Variants in RAI14 observed in about 807,000 individuals in gnomAD.
RAI14 encodes retinoic acid induced 14.
RAI14 carries 45 observed loss-of-function variants against 115.4 expected under a neutral mutation model. That is an observed-to-expected ratio of 0.39 (90% CI 0.31 to 0.50). The LOEUF (loss-of-function observed/expected upper bound fraction) is 0.50, where lower values mean the gene tolerates loss of function less well. Among genes scored for constraint, RAI14 ranks in the 20% least tolerant of loss-of-function variants. RAI14 has a pLI of 0.85. For synonymous variants in RAI14, 371 were observed against 415.4 expected (o/e 0.89, Z 1.30); for missense variants, 939 against 1,131.2 (o/e 0.83, Z 2.44).
At chr5:34,714,522 CAT>C (rs1741779084) in intron 2 of RAI14, among the ~76,000 whole-genome samples, 1 of 152,096 alleles carries the variant, frequency 6.6e-6, no homozygotes, top group East Asian at 1.9e-4. Flanking sequence ...GAGTCAATGT[CAT>C]ATGATCTTGA....
At position 34,811,053 on chromosome 5, in the gene RAI14, C is replaced by T; in HGVS notation, c.492C>T (p.His164=). ...TGCTTCTTGCTGTACAAAATGGTCACAGTGAGATCTGTCACTTTCTCCTGG... is the reference window on the plus strand; with the variant it reads ...TGCTTCTTGCTGTACAAAATGGTCATAGTGAGATCTGTCACTTTCTCCTGG... ...IPLLLAVQNG[H]SEICHFLLDH... The change falls in exon 8 of 18, where the codon CAC becomes CAT. Residue 164 remains histidine, a synonymous_variant. Coordinates refer to ENST00000265109, the MANE Select transcript of RAI14 (RefSeq NM_015577.3). 3 of 1,614,094 alleles carry T rather than the reference C, an allele frequency of 1.9e-6. No individual in the cohort carries two copies. Among genetic ancestry groups the T allele is most frequent in the Non-Finnish European group, 2.5e-6 (3 of 1,180,022 alleles).
At chr5:34,675,853 C>G (rs563894445) in intron 1 of RAI14, among the ~76,000 whole-genome samples, 163 of 152,254 alleles carry the variant, frequency 1.1e-3, no homozygotes, top group Non-Finnish European at 1.9e-3. Flanking sequence ...CCATGCTTCA[C>G]CATGGATCAG....
At chr5:34,805,299 CTT>C (rs1754730732) in intron 5 of RAI14, among the ~76,000 whole-genome samples, 1 of 152,146 alleles carries the variant, frequency 6.6e-6, no homozygotes, top group South Asian at 2.1e-4. Context: ...TCCTGTTCCT[CTT>C]TGCACTCTAG....
chr5:34,704,483 T>C (rs1740442970), intron 2 of RAI14, among the ~76,000 whole-genome samples: 1 of 152,234 alleles, frequency 6.6e-6, no homozygotes, highest in African/African-American at 2.4e-5. Context: ...CCTCAAATTC[T>C]GTATACCCTA....
chr5:34,742,406 C>T (rs2150049817), intron 2 of RAI14, among the ~76,000 whole-genome samples: 1 of 152,300 alleles, frequency 6.6e-6, no homozygotes. Flanking sequence ...TTTTGGCCGA[C>T]AGTAGAATCG....
intron 1 of RAI14, among the ~76,000 whole-genome samples, chr5:34,664,501 T>C (rs1579849014): frequency 6.6e-6 from 1 of 152,124 alleles, no homozygotes; most frequent in East Asian, 1.9e-4. Context: ...CTTACACTTA[T>C]TTATTATATT....
intron 2 of RAI14, among the ~76,000 whole-genome samples, chr5:34,754,739 A>G (rs1747660592): frequency 6.6e-6 from 1 of 152,192 alleles, no homozygotes; most frequent in Non-Finnish European, 1.5e-5. Context: ...GGAATGTTGC[A>G]TTGACCTTGT....
chr5:34,768,894 C>G (rs1483934654), intron 3 of RAI14, among the ~76,000 whole-genome samples: 1 of 151,784 alleles, frequency 6.6e-6, no homozygotes, highest in Non-Finnish European at 1.5e-5. Context: ...GAGGCTGAGG[C>G]ACATGAATCG....
chr5:34,807,672 C>A, intron 5 of RAI14, 128 bp from the exon 6 acceptor site: 1 of 739,822 alleles, frequency 1.4e-6, no homozygotes, highest in South Asian at 1.7e-5. Context: ...TGGAACACAG[C>A]AGCTGGGGCT....
At chr5:34,785,661 C>A (rs1328751649) in intron 3 of RAI14, among the ~76,000 whole-genome samples, 3 of 152,150 alleles carry the variant, frequency 2.0e-5, no homozygotes, top group Non-Finnish European at 4.4e-5. Flanking sequence ...CTTTAAATTT[C>A]TTTCCCTGAA....
rs1242025129 is a variant in RAI14, at chr5:34,798,368, T to C, written c.256+2341T>C. Among the ~76,000 whole-genome samples the C allele has an allele frequency of 4.0e-5, 6 of 148,582 alleles. No individual in the cohort carries two copies. In the Admixed American group the frequency reaches 4.0e-4, roughly 10 times the overall value. On this transcript the variant is annotated intron_variant, in intron 4 of 17. Transcript: ENST00000265109. ...TAAGTTTTTTTTTTTTTTTAATACA[T>C]GCTTATTGTAGAAAAGTTGAGAAAT...
At chr5:34,702,887 G>T (rs1740253434) in intron 2 of RAI14, among the ~76,000 whole-genome samples, 1 of 152,080 alleles carries the variant, frequency 6.6e-6, no homozygotes, top group Non-Finnish European at 1.5e-5. Context: ...TATATTTTCA[G>T]TAGAGACGGG....
intron 2 of RAI14, among the ~76,000 whole-genome samples, chr5:34,703,681 A>G (rs182756421): frequency 4.9e-4 from 74 of 152,318 alleles, no homozygotes; most frequent in Non-Finnish European, 9.3e-4. Context: ...AACAGAAAGA[A>G]TATACTATGT....
intron 12 of RAI14, among the ~76,000 whole-genome samples, chr5:34,817,966 G>A (rs886409132): frequency 3.9e-5 from 6 of 152,128 alleles, no homozygotes; most frequent in Non-Finnish European, 5.9e-5. Flanking sequence ...TTTATTATAC[G>A]TTATATAGTG....
chr5:34,674,586 GT>G lies in RAI14; in HGVS notation c.-48-12270del, dbSNP rs370599165. On this transcript the variant is annotated intron_variant, in intron 1 of 17. Transcript: ENST00000265109. ...TTTTGCTTTTTGAATCGGATCTTTT[GT>G]TTTTTTTTTTTTTTTGAGGCAGAAT... is the stretch of plus-strand genomic sequence containing the variant. Among the ~76,000 whole-genome samples, 1,205 of 132,470 alleles carry G rather than the reference GT, an allele frequency of 9.1e-3. 13 individuals are homozygous for G. Among genetic ancestry groups the G allele is most frequent in the African/African-American group, 0.029 (1,021 of 35,462 alleles). The allele number at this position is 132,470 out of a possible 152,430, so 86.9% of individuals were successfully genotyped here.
intron 1 of RAI14, among the ~76,000 whole-genome samples, chr5:34,673,424 A>T (rs765127599): frequency 8.5e-5 from 13 of 152,228 alleles, no homozygotes; most frequent in Non-Finnish European, 1.6e-4. Context: ...TCATCCTATT[A>T]TATATTTCAC....
At chr5:34,783,388 TC>T (rs1751906499) in intron 3 of RAI14, among the ~76,000 whole-genome samples, 1 of 152,198 alleles carries the variant, frequency 6.6e-6, no homozygotes, top group Admixed American at 6.5e-5. Context: ...TTCCTCGGCA[TC>T]TGGCTCATGA....
At position 34,668,872 on chromosome 5, in the gene RAI14, T is replaced by C. The variant is rs115499764; in HGVS notation, c.-49+12397T>C. 3.6e-3 allele frequency among the ~76,000 whole-genome samples: 555 copies of C among 152,208 alleles called. 4 individuals carry two copies. The highest frequency in any genetic ancestry group is 0.013 in the African/African-American group (538 of 41,524). On this transcript the variant is annotated intron_variant, in intron 1 of 17. Coordinates refer to ENST00000265109, the MANE Select transcript of RAI14 (RefSeq NM_015577.3). ...CTAGGTAATTAGGTTCTTTTTTTTTTCTTGAGATAGAGTCTCGCTCTGTCC... is the reference window on the plus strand; with the variant it reads ...CTAGGTAATTAGGTTCTTTTTTTTTCCTTGAGATAGAGTCTCGCTCTGTCC...
Position 34,818,843 on chromosome 5 carries a change from G to C in RAI14, c.986G>C (p.Ser329Thr), listed in dbSNP as rs371610339. 9.7e-5 allele frequency: 156 copies of C among 1,606,622 alleles called. No individual in the cohort carries two copies. Among genetic ancestry groups the C allele is most frequent in the Non-Finnish European group, 1.2e-4 (145 of 1,176,498 alleles). The change falls in exon 13 of 18, where the codon AGT becomes ACT. Residue 329 changes from serine (S) to threonine (T), a missense_variant. Coordinates refer to ENST00000265109, the MANE Select transcript of RAI14 (RefSeq NM_015577.3). Reference sequence around the variant, plus strand: ...GAAAACAAAGACAGACTAAGTGACAGTACTACAGGTAAGACAAGGAAGCAT... The same window carrying C: ...GAAAACAAAGACAGACTAAGTGACACTACTACAGGTAAGACAAGGAAGCAT... ...IRENKDRLSD[S>T]TTGADSLLDI... is the part of the protein sequence containing the mutation.
Sources: gnomAD v4.1 joint callset for allele counts (sites outside exome capture counted in the v4.1 genomes callset) on GRCh38, gnomAD v4.1.1 for gene constraint, MANE v1.5 for transcripts, NCBI Gene and HGNC (gene_info 2026-07-23, HGNC 2026-07-21) for gene names.